Variants in MACIR observed in about 807,000 individuals in gnomAD.
MACIR encodes the protein UNC119-binding protein C5orf30.
Under a neutral mutation model 14.3 loss-of-function variants are expected in MACIR, and 4 were observed. The ratio of observed to expected loss-of-function variants is 0.28; its 90% CI spans 0.14 to 0.64. MACIR has a LOEUF of 0.64. MACIR is among the 30% of genes least tolerant of loss of function. The probability of loss-of-function intolerance (pLI) is 0.83; values close to 1 mark genes in which losing one functional copy is unlikely to be tolerated. For synonymous variants in MACIR, 101 were observed against 102.4 expected, an observed-to-expected ratio of 0.99 and a Z score of 0.08; for missense variants, 228 against 257.6, an observed-to-expected ratio of 0.89 and a Z score of 0.79.
At position 103,268,419 on chromosome 5, in the gene MACIR, A is replaced by G. The variant is rs926482127; in HGVS notation, c.-24+2422A>G. On this transcript the variant is annotated intron_variant, in intron 2 of 2. Coordinates refer to ENST00000319933, the MANE Select transcript of MACIR (RefSeq NM_033211.4). ...TTTGGTTAGCAGATATTTCCAGCCC[A>G]CAGAGGATTAGGAACAGTAAATTAG... 2.0e-5 allele frequency among the ~76,000 whole-genome samples: 3 copies of G among 152,192 alleles called. No individual in the cohort carries two copies. In the East Asian group the frequency reaches 5.8e-4, roughly 29 times the overall value.
chr5:103,262,504 C>T (rs1554236391), intron 1 of MACIR, among the ~76,000 whole-genome samples: 1 of 152,190 alleles, frequency 6.6e-6, no homozygotes, highest in East Asian at 1.9e-4. Flanking sequence ...TATAGTCACT[C>T]TTCTTTTGAA....
In MACIR at chr5:103,275,879, A is replaced by G. The variant is rs1805304055; in HGVS notation, c.-23-18A>G. ...TCTGTGCATTATATTCTTCTAATCT[A>G]AGTCTGTTTACTTTTAGGATTGTGC... On this transcript the variant is annotated intron_variant, in intron 2 of 2. Transcript: ENST00000319933. 2 of 1,573,670 alleles carry G rather than the reference A, an allele frequency of 1.3e-6. No individual in the cohort carries two copies. Among genetic ancestry groups the G allele is most frequent in the African/African-American group, 2.7e-5 (2 of 73,870 alleles).
chr5:103,270,802 A>T (rs1805096553), intron 2 of MACIR, among the ~76,000 whole-genome samples: 1 of 152,130 alleles, frequency 6.6e-6, no homozygotes, highest in Non-Finnish European at 1.5e-5. Flanking sequence ...ATAGCATAGG[A>T]GCTGACTGTG....
chr5:103,273,916 G>A (rs1554237380), intron 2 of MACIR, among the ~76,000 whole-genome samples: 1 of 152,200 alleles, frequency 6.6e-6, no homozygotes, highest in South Asian at 2.1e-4. Flanking sequence ...CAGAGTCTCA[G>A]AGTAGACAGA....
chr5:103,260,963 A>G (rs140399453), intron 1 of MACIR, among the ~76,000 whole-genome samples: 29 of 152,348 alleles, frequency 1.9e-4, no homozygotes, highest in African/African-American at 6.5e-4. Flanking sequence ...AATTTCTTGT[A>G]AAGGCTGCAT....
chr5:103,269,515 T>C (rs1438654576), intron 2 of MACIR, among the ~76,000 whole-genome samples: 1 of 152,202 alleles, frequency 6.6e-6, no homozygotes, highest in Non-Finnish European at 1.5e-5. Context: ...TTTTTTATAA[T>C]CTTATTTTTA....
At chr5:103,258,491 G>T (rs938032622), upstream of MACIR, among the ~76,000 whole-genome samples, 1 of 151,816 alleles carries the variant, frequency 6.6e-6, no homozygotes, top group African/African-American at 2.4e-5. Flanking sequence ...GAGAGCGGGT[G>T]TTGCGACTCC....
intron 2 of MACIR, among the ~76,000 whole-genome samples, chr5:103,267,469 G>A (rs1370944811): frequency 6.6e-6 from 1 of 151,994 alleles, no homozygotes; most frequent in Non-Finnish European, 1.5e-5. Flanking sequence ...GTGGAGACAG[G>A]GTTGACTGTA....
chr5:103,276,574 A>C lies in MACIR; in HGVS notation c.*34A>C. The C allele has an allele frequency of 1.9e-6, 3 of 1,564,558 alleles. No individual in the cohort carries two copies. The stretch of plus-strand genomic sequence containing the variant: ...GAGAGAGCTTAAACCAATTTAGGTC[A>C]GCCTACGCTTGGCTAGAAAAAACCC... On this transcript the variant is annotated 3_prime_UTR_variant, in exon 3 of 3. Coordinates refer to ENST00000319933, the MANE Select transcript of MACIR (RefSeq NM_033211.4).
At chr5:103,270,959 G>T (rs1238680602) in intron 2 of MACIR, among the ~76,000 whole-genome samples, 1 of 152,010 alleles carries the variant, frequency 6.6e-6, no homozygotes, top group South Asian at 2.1e-4. Flanking sequence ...AACTAATTCA[G>T]TCTGTAATAG....
In MACIR at chr5:103,276,427, T is replaced by A. The variant is rs1554237736; in HGVS notation, c.508T>A (p.Tyr170Asn). Residue 170 changes from tyrosine (Y) to asparagine (N), a missense_variant, in exon 3 of 3, where the codon TAC becomes AAC. Physicochemically the swap from Tyr to Asn is moderately radical, Grantham distance 143. Transcript: ENST00000319933. ...GKRAHSKSLDYLNLDKMIKEP... is the reference protein window; with the variant it reads ...GKRAHSKSLDNLNLDKMIKEP... ...GAGGGCTCACTCCAAATCTCTGGAC[T>A]ACCTCAATCTAGATAAAATGATCAA... 6.2e-7 allele frequency: 1 copy of A among 1,614,086 alleles called. No homozygotes were observed. The highest frequency in any genetic ancestry group is 8.5e-7 in the Non-Finnish European group (1 of 1,180,016).
intron 1 of MACIR, chr5:103,259,448 C>T (rs1401966294): frequency 6.6e-6 from 1 of 152,152 alleles, no homozygotes; most frequent in Non-Finnish European, 1.5e-5. Flanking sequence ...TCCCGCACCG[C>T]GGGGCAGCGG....
chr5:103,266,346 A>G (rs1804922326), intron 2 of MACIR, among the ~76,000 whole-genome samples: 1 of 152,178 alleles, frequency 6.6e-6, no homozygotes, highest in South Asian at 2.1e-4. Flanking sequence ...TAAAAACATT[A>G]ATCTCCAAAC....
chr5:103,260,338 G>A (rs981800622), intron 1 of MACIR, among the ~76,000 whole-genome samples: 1 of 151,734 alleles, frequency 6.6e-6, no homozygotes, highest in Non-Finnish European at 1.5e-5. Context: ...CTTTTGCAAA[G>A]TTTATTTTCC....
intron 2 of MACIR, among the ~76,000 whole-genome samples, chr5:103,273,772 C>A (rs1554237359): frequency 6.6e-6 from 1 of 152,128 alleles, no homozygotes; most frequent in Admixed American, 6.5e-5. Context: ...TGAATTATTA[C>A]CCAATTTGGA....
upstream of MACIR, chr5:103,258,688 G>GAGGAGGCGGAGT (rs1472529651): frequency 7.2e-6 from 1 of 139,690 alleles, no homozygotes; most frequent in African/African-American, 3.5e-5. Context: ...GCGGGCGGAG[G>GAGGAGGCGGAGT]AGGAGGCGGA....
At chr5:103,271,393 C>T (rs561523217) in intron 2 of MACIR, among the ~76,000 whole-genome samples, 2 of 152,184 alleles carry the variant, frequency 1.3e-5, no homozygotes, top group East Asian at 1.9e-4. Flanking sequence ...GGCTTTTGAA[C>T]GTGCTTATCC....
At chr5:103,272,553 G>A (rs1805173699) in intron 2 of MACIR, among the ~76,000 whole-genome samples, 1 of 152,132 alleles carries the variant, frequency 6.6e-6, no homozygotes, top group African/African-American at 2.4e-5. Flanking sequence ...AGTAGCATAA[G>A]AAGTTTTGTT....
At position 103,274,267 on chromosome 5, in the gene MACIR, A is replaced by T. The variant is rs1167894604; in HGVS notation, c.-23-1630A>T. Among the ~76,000 whole-genome samples, 6 of 152,206 alleles carry T rather than the reference A, an allele frequency of 3.9e-5. No homozygotes were observed. The South Asian group carries it at 1.0e-3, about 26-fold the overall frequency. On this transcript the variant is annotated intron_variant, in intron 2 of 2. Transcript: ENST00000319933. ...GGCTCTCTAAAGTTTATTAGCTAAGAAGTCTTATATGCATATCAGAGTAGC... is the reference window on the plus strand; with the variant it reads ...GGCTCTCTAAAGTTTATTAGCTAAGTAGTCTTATATGCATATCAGAGTAGC...
Sources: gnomAD v4.1 joint callset for allele counts (sites outside exome capture counted in the v4.1 genomes callset) on GRCh38, gnomAD v4.1.1 for gene constraint, MANE v1.5 for transcripts, NCBI Gene and HGNC (gene_info 2026-07-23, HGNC 2026-07-21) for gene names.